The following CENPP variants were observed in gnomAD, a reference collection of about 807,000 sequenced individuals.
The protein encoded by CENPP is centromere protein P.
A neutral mutation model predicts 35.6 loss-of-function variants in CENPP; 24 were observed. That is an observed-to-expected ratio of 0.67 (90% CI 0.49 to 0.95). The LOEUF (loss-of-function observed/expected upper bound fraction) is 0.95, where lower values mean the gene tolerates loss of function less well. Among genes scored for constraint, CENPP ranks in the 40% least tolerant of loss-of-function variants. The probability of loss-of-function intolerance (pLI) is 0.00; values close to 1 mark genes in which losing one functional copy is unlikely to be tolerated. For missense variants in CENPP, 332 were observed against 345.3 expected (o/e 0.96, Z 0.31); for synonymous variants, 120 against 125.5 (o/e 0.96, Z 0.29).
At chr9:92,509,910 T>C (rs1233635342) in intron 5 of CENPP, 3 of 1,603,792 alleles carry the variant, frequency 1.9e-6, no homozygotes, top group East Asian at 4.5e-5. Context: ...TGATAAACTT[T>C]CTTCATCGAT....
chr9:92,568,974 G>C (rs561247447), intron 5 of CENPP, among the ~76,000 whole-genome samples: 2 of 152,148 alleles, frequency 1.3e-5, no homozygotes, highest in Non-Finnish European at 2.9e-5. Context: ...GTAGATTCTG[G>C]ATATTAGCCC....
chr9:92,354,923 G>A (rs368446516), intron 4 of CENPP, among the ~76,000 whole-genome samples: 17 of 152,232 alleles, frequency 1.1e-4, no homozygotes, highest in African/African-American at 4.1e-4. Context: ...TTTTATTAAG[G>A]GTTTCAAAAG....
intron 5 of CENPP, among the ~76,000 whole-genome samples, chr9:92,466,952 G>A (rs957900975): frequency 6.6e-6 from 1 of 152,000 alleles, no homozygotes; most frequent in East Asian, 1.9e-4. Flanking sequence ...TATGTTTAGT[G>A]CACACCAAAT....
chr9:92,541,358 T>C lies in CENPP; in HGVS notation c.565-69956T>C, dbSNP rs188287270. Among the ~76,000 whole-genome samples the C allele has an allele frequency of 1.8e-3, 279 of 151,862 alleles. 2 individuals carry two copies. Among genetic ancestry groups the C allele is most frequent in the African/African-American group, 6.4e-3 (263 of 41,350 alleles). ...TGACTAATATCTCCCCATTTCCCCA[T>C]CACTAGCCTCTGGTAACCACTATTC... On this transcript the variant is annotated intron_variant, in intron 5 of 7. Transcript: ENST00000375587.
chr9:92,511,806 T>C (rs1323623583), intron 5 of CENPP, among the ~76,000 whole-genome samples: 1 of 152,218 alleles, frequency 6.6e-6, no homozygotes, highest in Non-Finnish European at 1.5e-5. Context: ...GTTGGTGTCC[T>C]TACAGCAAAG....
intron 5 of CENPP, among the ~76,000 whole-genome samples, chr9:92,572,968 G>A (rs1850182048): frequency 6.6e-6 from 1 of 151,988 alleles, no homozygotes; most frequent in South Asian, 2.1e-4. Context: ...TCTCTATGCT[G>A]TTTATTCTAG....
chr9:92,462,583 A>C (rs1208664678), intron 5 of CENPP, among the ~76,000 whole-genome samples: 2 of 152,246 alleles, frequency 1.3e-5, no homozygotes, highest in African/African-American at 4.8e-5. Context: ...TTAGCAATAA[A>C]GACGGATGAA....
At chr9:92,387,987 C>G (rs920742896) in intron 5 of CENPP, among the ~76,000 whole-genome samples, 3 of 151,512 alleles carry the variant, frequency 2.0e-5, no homozygotes, top group Non-Finnish European at 4.4e-5. Flanking sequence ...TGGTCTCGAA[C>G]TCTTGAGCTC....
chr9:92,574,149 C>T (rs914575551), intron 5 of CENPP, among the ~76,000 whole-genome samples: 15 of 152,208 alleles, frequency 9.9e-5, no homozygotes, highest in South Asian at 4.1e-4. Context: ...AGAAATCACC[C>T]GTCTTCTGCA....
At chr9:92,344,497 T>G (rs375294422) in intron 3 of CENPP, among the ~76,000 whole-genome samples, 4 of 152,154 alleles carry the variant, frequency 2.6e-5, no homozygotes, top group African/African-American at 9.6e-5. Context: ...AGATGTAATT[T>G]ATTTGGAATC....
chr9:92,528,344 A>G (rs1286597824), intron 5 of CENPP, among the ~76,000 whole-genome samples: 1 of 152,152 alleles, frequency 6.6e-6, no homozygotes, highest in Non-Finnish European at 1.5e-5. Flanking sequence ...AGTCTCCATA[A>G]GTTGAAAAGA....
At chr9:92,495,350 G>A (rs1457967661) in intron 5 of CENPP, 5 of 952,850 alleles carry the variant, frequency 5.2e-6, no homozygotes, top group Non-Finnish European at 6.2e-6. Context: ...ATTTTGGTAG[G>A]GCCAATACAT....
intron 5 of CENPP, among the ~76,000 whole-genome samples, chr9:92,424,674 A>G (rs530419163): frequency 1.6e-4 from 25 of 152,102 alleles, no homozygotes; most frequent in Non-Finnish European, 3.1e-4. Context: ...GGAACTCAAA[A>G]TTTCTTTTTT....
At chr9:92,501,663 G>A (rs968769078) in intron 5 of CENPP, among the ~76,000 whole-genome samples, 5 of 152,136 alleles carry the variant, frequency 3.3e-5, no homozygotes, top group Non-Finnish European at 5.9e-5. Context: ...TCTGCCCCAC[G>A]CCCTCTTTTC....
intron 5 of CENPP, among the ~76,000 whole-genome samples, chr9:92,519,494 GAA>G (rs1408266699): frequency 6.6e-6 from 1 of 152,194 alleles, no homozygotes; most frequent in Non-Finnish European, 1.5e-5. Context: ...ATGGAACACT[GAA>G]AGTCAGACAT....
intron 5 of CENPP, chr9:92,393,018 A>T: frequency 2.3e-6 from 3 of 1,309,528 alleles, no homozygotes; most frequent in Non-Finnish European, 3.2e-6. Flanking sequence ...ACTATATAGA[A>T]ACTTGTGTTT....
At chr9:92,457,851 A>G (rs72754403) in intron 5 of CENPP, among the ~76,000 whole-genome samples, 4,711 of 152,310 alleles carry the variant, frequency 0.031, 113 homozygotes, top group South Asian at 0.083. Flanking sequence ...ATAAACATAC[A>G]TATTTTTAAA....
intron 5 of CENPP, among the ~76,000 whole-genome samples, chr9:92,577,236 G>T (rs564799750): frequency 1.3e-5 from 2 of 152,290 alleles, no homozygotes; most frequent in South Asian, 4.1e-4. Flanking sequence ...CACAGGGGCT[G>T]GGTGCAGTGG....
At chr9:92,498,329 TA>T (rs1190800096) in intron 5 of CENPP, among the ~76,000 whole-genome samples, 1 of 152,034 alleles carries the variant, frequency 6.6e-6, no homozygotes, top group African/African-American at 2.4e-5. Context: ...GGGATAGCAT[TA>T]GGAGGTATAC....
Sources: gnomAD v4.1 joint callset for allele counts (sites outside exome capture counted in the v4.1 genomes callset) on GRCh38, gnomAD v4.1.1 for gene constraint, MANE v1.5 for transcripts, NCBI Gene and HGNC (gene_info 2026-07-23, HGNC 2026-07-21) for gene names.